The following CELF2 variants were observed in gnomAD, a reference collection of about 807,000 sequenced individuals.
CELF2 encodes CUG triplet repeat RNA-binding protein 2.
Under a neutral mutation model 62.6 loss-of-function variants are expected in CELF2, and 8 were observed. That is an observed-to-expected ratio of 0.13 (90% CI 0.07 to 0.23). The LOEUF (loss-of-function observed/expected upper bound fraction) is 0.23. CELF2 is among the 10% of genes least tolerant of loss of function. The pLI is 1.00. For synonymous variants in CELF2, 258 were observed against 250.0 expected, an observed-to-expected ratio of 1.03 and a Z score of -0.30; for missense variants, 333 against 671.0, an observed-to-expected ratio of 0.50 and a Z score of 5.56.
At position 11,315,681 on chromosome 10, in the gene CELF2, G is replaced by A. The variant is rs551618623; in HGVS notation, c.1096+1423G>A. ...ACGGCTCGTGATTAGCGTGGAGCCCGTGAAGTGGTAGCTGTGCCGCGGCCT... is the reference window on the plus strand; with the variant it reads ...ACGGCTCGTGATTAGCGTGGAGCCCATGAAGTGGTAGCTGTGCCGCGGCCT... On this transcript the variant is annotated intron_variant, in intron 10 of 12. Coordinates refer to ENST00000633077, the MANE Select transcript of CELF2 (RefSeq NM_001326342.2). This position sits in a 1 kb window ranked among gnomAD's most constrained non-coding sequence, Gnocchi z 5.8. Among the ~76,000 whole-genome samples the A allele has an allele frequency of 1.3e-5, 2 of 152,326 alleles. No individual in the cohort carries two copies. Among genetic ancestry groups the A allele is most frequent in the African/African-American group, 2.4e-5 (1 of 41,560 alleles).
the CELF2 span, among the ~76,000 whole-genome samples, chr10:10,587,232 C>T: frequency 1.2e-4 from 19 of 152,228 alleles, 1 homozygote; most frequent in South Asian, 6.2e-4. Flanking sequence ...TTGTGTAGCC[C>T]GCATGGGGAT....
rs181143092 is a variant in CELF2 at position 11,185,568 on chromosome 10, A to G, written c.271+19886A>G. On this transcript the variant is annotated intron_variant, in intron 2 of 12. Coordinates refer to ENST00000633077, the MANE Select transcript of CELF2 (RefSeq NM_001326342.2). ...TAGCTGGGATTACAGCCACGCGCCA[A>G]CATGCTTGGCTAATTTTGTATTTTT... is the stretch of plus-strand genomic sequence containing the variant. Among the ~76,000 whole-genome samples, 663 of 152,100 alleles carry G rather than the reference A, an allele frequency of 4.4e-3. 8 individuals are homozygous for G. Among genetic ancestry groups the G allele is most frequent in the Admixed American group, 0.011 (161 of 15,272 alleles).
intron 2 of CELF2, among the ~76,000 whole-genome samples, chr10:11,197,583 T>C (rs2058286996): frequency 6.6e-6 from 1 of 152,250 alleles, no homozygotes; most frequent in Non-Finnish European, 1.5e-5. Flanking sequence ...TGAGCCACTT[T>C]TCTGTTAAAC....
the CELF2 span, among the ~76,000 whole-genome samples, chr10:10,753,024 G>A: frequency 6.6e-6 from 1 of 152,136 alleles, no homozygotes; most frequent in African/African-American, 2.4e-5. Context: ...TTGGTGAATT[G>A]TAAAATCTAC....
At chr10:10,900,199 A>G (rs2062837340) in intron 1 of CELF2, among the ~76,000 whole-genome samples, 1 of 152,232 alleles carries the variant, frequency 6.6e-6, no homozygotes, top group Non-Finnish European at 1.5e-5. Context: ...CAGAAAACTA[A>G]AAAGAGGGAA....
chr10:11,282,171 CTCCCTATCCCTTCT>C (rs938570878), intron 8 of CELF2, among the ~76,000 whole-genome samples: 2 of 152,030 alleles, frequency 1.3e-5, no homozygotes, highest in African/African-American at 4.8e-5. Flanking sequence ...CTATCCCTCC[CTCCCTATCCCTTCT>C]AAACTTCTCT....
chr10:11,318,589 T>C lies in CELF2; in HGVS notation c.1097-2600T>C. On this transcript the variant is annotated intron_variant, in intron 10 of 12. Transcript: ENST00000633077. The surrounding 1 kb of genome is among the most constrained non-coding windows in gnomAD (Gnocchi z 5.4). ...TGGAGCCAGGAGAGAAGGATGTGGC[T>C]GGAATGTCACTGGCTGGAGCTCCAA... 5.4e-6 allele frequency: 2 copies of C among 372,762 alleles called. No homozygotes were observed. Among genetic ancestry groups the C allele is most frequent in the East Asian group, 7.3e-5 (1 of 13,626 alleles). 23.1% of individuals were successfully genotyped at this position (372,762 alleles called of 1,614,324 possible).
rs1386464226 is a variant in CELF2 at position 11,157,204 on chromosome 10, TC to T, written c.75-8280del. Among the ~76,000 whole-genome samples the T allele has an allele frequency of 6.6e-6, 1 of 152,156 alleles. No individual in the cohort carries two copies. Among genetic ancestry groups the T allele is most frequent in the Non-Finnish European group, 1.5e-5 (1 of 68,030 alleles). ...CGGCGCCAGGGTCTTTGCTGGTACT[TC>T]CGTGCCTCTCACACATGCATGGTTG... On this transcript the variant is annotated intron_variant, in intron 1 of 12. Coordinates refer to ENST00000633077, the MANE Select transcript of CELF2 (RefSeq NM_001326342.2). The surrounding 1 kb of genome is among the most constrained non-coding windows in gnomAD (Gnocchi z 4.9).
chr10:10,950,217 G>A (rs190277446), intron 2 of CELF2, among the ~76,000 whole-genome samples: 25 of 152,292 alleles, frequency 1.6e-4, no homozygotes, highest in Non-Finnish European at 4.4e-5. Context: ...CGTGGTTTCT[G>A]AATCTTGGAG....
At chr10:11,031,960 A>G (rs2060181061) in intron 1 of CELF2, among the ~76,000 whole-genome samples, 2 of 152,124 alleles carry the variant, frequency 1.3e-5, no homozygotes, top group African/African-American at 4.8e-5. Flanking sequence ...ACTCAATCAC[A>G]GTGGCACCTC....
At chr10:10,891,366 AGCTCTTAATATT>A (rs2062126068) in intron 1 of CELF2, among the ~76,000 whole-genome samples, 1 of 152,126 alleles carries the variant, frequency 6.6e-6, no homozygotes, top group Non-Finnish European at 1.5e-5. Flanking sequence ...TTGAAAGAAT[AGCTCTTAATATT>A]GCACATGACA....
At position 10,842,094 on chromosome 10, in the gene CELF2, A is replaced by G. The variant is rs571579485; in HGVS notation, c.53+43277A>G. The stretch of plus-strand genomic sequence containing the variant: ...TTTCATTTCAAATTGGAAGACTCCA[A>G]TTGTTCATTGCTGTATATGGTGAAA... On this transcript the variant is annotated intron_variant, in intron 1 of 13. Transcript: ENST00000636488. Among the ~76,000 whole-genome samples the G allele has an allele frequency of 1.4e-4, 21 of 152,160 alleles. No individual in the cohort carries two copies. In the East Asian group the frequency reaches 3.1e-3, roughly 22 times the overall value.
At chr10:10,586,037 T>C in the CELF2 span, among the ~76,000 whole-genome samples, 5 of 152,222 alleles carry the variant, frequency 3.3e-5, no homozygotes, top group African/African-American at 1.2e-4. Flanking sequence ...ATTAGCTCTA[T>C]AAATTTTACA....
chr10:11,005,548 A>C lies in CELF2; in HGVS notation c.53+108A>C. ...AGTAGCTTCCTTACCTTAGAAGAGA[A>C]GGGGGGAAAAAGAATCTAAAGAGGA... On this transcript the variant is annotated intron_variant, in intron 1 of 12. Coordinates refer to the CELF2 transcript ENST00000416382. This position sits in a 1 kb window ranked among gnomAD's most constrained non-coding sequence, Gnocchi z 4.3. The C allele has an allele frequency of 6.6e-7, 1 of 1,525,596 alleles. No individual in the cohort carries two copies. The allele number at this position is 1,525,596 out of a possible 1,614,324, so 94.5% of individuals were successfully genotyped here.
At chr10:10,926,290 C>T (rs945048680) in intron 2 of CELF2, among the ~76,000 whole-genome samples, 7 of 152,056 alleles carry the variant, frequency 4.6e-5, no homozygotes, top group Non-Finnish European at 8.8e-5. Flanking sequence ...ATCAATGCCA[C>T]CGTAAAAAGG....
At chr10:11,301,180 A>ATTTT (rs2093679472) in intron 9 of CELF2, among the ~76,000 whole-genome samples, 1 of 152,218 alleles carries the variant, frequency 6.6e-6, no homozygotes, top group African/African-American at 2.4e-5. Context: ...AGAGATGGAT[A>ATTTT]AGCCCCTCAT....
At chr10:10,939,440 C>T (rs1467899919) in intron 2 of CELF2, among the ~76,000 whole-genome samples, 1 of 151,980 alleles carries the variant, frequency 6.6e-6, no homozygotes, top group Non-Finnish European at 1.5e-5. Flanking sequence ...CATAAGCCAC[C>T]ACGCCATGAT....
chr10:11,142,234 G>A (rs963980687), intron 1 of CELF2, among the ~76,000 whole-genome samples: 2 of 152,172 alleles, frequency 1.3e-5, no homozygotes, highest in East Asian at 1.9e-4. Context: ...ATTTGGAAAC[G>A]AATTCTAGGG....
the CELF2 span, among the ~76,000 whole-genome samples, chr10:10,537,493 T>TA: frequency 6.6e-6 from 1 of 152,190 alleles, no homozygotes. Context: ...TCCATCTATT[T>TA]AAAAGTTATA....
Sources: allele counts gnomAD v4.1 joint callset (sites outside exome capture counted in the v4.1 genomes callset), GRCh38; gene constraint gnomAD v4.1.1; non-coding constraint Gnocchi (gnomAD v3.1); transcripts MANE v1.5; gene names NCBI Gene and HGNC (gene_info 2026-07-23, HGNC 2026-07-21).